The following LSM12 variants were observed in gnomAD, a reference collection of about 807,000 sequenced individuals.
The protein encoded by LSM12 is LSM12 homolog, also known as protein LSM12.
For missense variants in LSM12, 108 were observed against 238.9 expected (o/e 0.45, Z 3.61); for synonymous variants, 74 against 87.3 (o/e 0.85, Z 0.85).
At chr17:44,041,684 T>C (rs763667611) in intron 2 of LSM12, among the ~76,000 whole-genome samples, 21 of 152,214 alleles carry the variant, frequency 1.4e-4, no homozygotes, top group Non-Finnish European at 2.6e-4. Context: ...GGTAGTCTAC[T>C]ACAATCTCGT....
intron 1 of LSM12, among the ~76,000 whole-genome samples, chr17:44,064,732 CA>C (rs879636307): frequency 0.078 from 4,954 of 63,486 alleles, 175 homozygotes; most frequent in African/African-American, 0.21. Flanking sequence ...GACTCCGTCT[CA>C]AAAAAAAAAA....
chr17:44,056,863 T>C (rs1036151753), intron 2 of LSM12, among the ~76,000 whole-genome samples: 3 of 152,118 alleles, frequency 2.0e-5, no homozygotes, highest in African/African-American at 7.2e-5. Flanking sequence ...GGGTGGCACA[T>C]GCCTGTAATC....
chr17:44,065,864 C>G (rs76612071), intron 1 of LSM12, among the ~76,000 whole-genome samples: 1 of 152,086 alleles, frequency 6.6e-6, no homozygotes, highest in Admixed American at 6.5e-5. Flanking sequence ...TCAGCACAGC[C>G]CCCCCACCAC....
At chr17:44,040,324 T>A (rs1336977222) in intron 2 of LSM12, 68 bp from the exon 3 acceptor site, 4 of 1,209,812 alleles carry the variant, frequency 3.3e-6, no homozygotes, top group African/African-American at 1.5e-5. Context: ...AGTCAGGACC[T>A]AAGCTGAAGA....
intron 2 of LSM12, among the ~76,000 whole-genome samples, chr17:44,044,964 T>A (rs1412107323): frequency 6.6e-6 from 1 of 152,224 alleles, no homozygotes; most frequent in East Asian, 1.9e-4. Flanking sequence ...AAAGCTGCCC[T>A]CAGTAGAGAA....
chr17:44,061,249 G>T (rs966120539), intron 2 of LSM12, among the ~76,000 whole-genome samples: 1 of 151,168 alleles, frequency 6.6e-6, no homozygotes, highest in African/African-American at 2.4e-5. Context: ...CCCGGGAGGC[G>T]GAGGTTGCGG....
At chr17:44,045,936 CTTTT>C (rs67446547) in intron 2 of LSM12, among the ~76,000 whole-genome samples, 2 of 122,580 alleles carry the variant, frequency 1.6e-5, no homozygotes, top group Non-Finnish European at 3.2e-5. Flanking sequence ...AAATATTTTA[CTTTT>C]TTTTTTTTTT....
chr17:44,045,391 T>G (rs972746146), intron 2 of LSM12, among the ~76,000 whole-genome samples: 17 of 152,226 alleles, frequency 1.1e-4, no homozygotes, highest in African/African-American at 4.1e-4. Context: ...TACAATGTGT[T>G]GACTTACGTC....
chr17:44,066,420 C>G (rs1199578036), intron 1 of LSM12, 44 bp downstream of exon 1: 1 of 1,500,186 alleles, frequency 6.7e-7, no homozygotes, highest in Non-Finnish European at 8.9e-7. Context: ...GACCACCGCA[C>G]CTACACGCCG....
At chr17:44,064,037 G>T in intron 1 of LSM12, 103 bp from the exon 2 acceptor site, 1 of 1,352,888 alleles carries the variant, frequency 7.4e-7, no homozygotes, top group Non-Finnish European at 1.0e-6. Flanking sequence ...CTTGTAAAAG[G>T]CAGGCCAGGA....
chr17:44,041,601 G>A (rs552881109), intron 2 of LSM12, among the ~76,000 whole-genome samples: 24 of 152,244 alleles, frequency 1.6e-4, no homozygotes, highest in Admixed American at 4.6e-4. Flanking sequence ...TGAATTCTAC[G>A]TCATGTCTGT....
intron 2 of LSM12, among the ~76,000 whole-genome samples, chr17:44,047,957 GC>G (rs778796197): frequency 6.6e-6 from 1 of 150,568 alleles, no homozygotes; most frequent in Non-Finnish European, 1.5e-5. Context: ...GCTGAGGAAG[GC>G]CGATCACTTG....
chr17:44,043,818 A>T (rs1185689324), intron 2 of LSM12, among the ~76,000 whole-genome samples: 2 of 151,990 alleles, frequency 1.3e-5, no homozygotes, highest in Non-Finnish European at 2.9e-5. Context: ...AAAAAAAAAA[A>T]AAAAATCTGA....
intron 2 of LSM12, among the ~76,000 whole-genome samples, chr17:44,044,596 T>C (rs183338035): frequency 1.3e-5 from 2 of 152,288 alleles, no homozygotes; most frequent in East Asian, 1.9e-4. Flanking sequence ...AGATCTGCTT[T>C]TACCAGGAAG....
At chr17:44,050,398 C>T (rs2049627401) in intron 2 of LSM12, among the ~76,000 whole-genome samples, 1 of 152,144 alleles carries the variant, frequency 6.6e-6, no homozygotes, top group African/African-American at 2.4e-5. Context: ...GCATGCGCCA[C>T]CGCACCCAGA....
intron 2 of LSM12, among the ~76,000 whole-genome samples, chr17:44,051,460 G>C (rs1018857285): frequency 6.6e-6 from 1 of 151,510 alleles, no homozygotes; most frequent in Non-Finnish European, 1.5e-5. Flanking sequence ...CAGCTTCTCG[G>C]GAGCCTAGCT....
rs574859234 is a variant in LSM12 at position 44,062,890 on chromosome 17, G to A, written c.258+911C>T. Among the ~76,000 whole-genome samples, 89 of 151,648 alleles carry A rather than the reference G, an allele frequency of 5.9e-4. 1 individual carries two copies. The highest frequency in any genetic ancestry group is 2.0e-3 in the African/African-American group (83 of 41,330). The stretch of plus-strand genomic sequence containing the variant: ...TAAAACAAATTAGCCGGGTGTGACA[G>A]TGTGTGCCTGTCTCCAAAAAAAAAA... On this transcript the variant is annotated intron_variant, in intron 2 of 4. Coordinates refer to ENST00000293406, the MANE Select transcript of LSM12 (RefSeq NM_001371445.1).
At chr17:44,062,898 C>T (rs228760) in intron 2 of LSM12, among the ~76,000 whole-genome samples, 62,738 of 150,856 alleles carry the variant, frequency 0.42, 14,569 homozygotes, top group Middle Eastern at 0.6. Flanking sequence ...CAGTGTGTGC[C>T]TGTCTCCAAA....
upstream of LSM12, chr17:44,066,817 A>G (rs2144123279): frequency 2.5e-6 from 1 of 395,594 alleles, no homozygotes; most frequent in Non-Finnish European, 4.1e-6. Context: ...AAGTGCTTGT[A>G]GAGTCCATTT....
Sources: gnomAD v4.1 joint callset for allele counts (sites outside exome capture counted in the v4.1 genomes callset) on GRCh38, gnomAD v4.1.1 for gene constraint, MANE v1.5 for transcripts, NCBI Gene and HGNC (gene_info 2026-07-23, HGNC 2026-07-21) for gene names.